Variants in TRHDE observed in about 807,000 individuals in gnomAD.
TRHDE encodes the protein thyrotropin-releasing hormone-degrading ectoenzyme.
TRHDE carries 72 observed loss-of-function variants against 125.7 expected under a neutral mutation model. The observed-to-expected ratio is 0.57, with a 90% CI of 0.47 to 0.70. The LOEUF is 0.70. Among genes scored for constraint, TRHDE ranks in the 30% least tolerant of loss-of-function variants. The pLI is 0.00. For synonymous variants in TRHDE, 509 were observed against 509.1 expected, an observed-to-expected ratio of 1.00 and a Z score of 0.00; for missense variants, 1,110 against 1,327.1, an observed-to-expected ratio of 0.84 and a Z score of 2.54.
chr12:72,151,175 C>A (rs546702047), intron 2 of TRHDE, among the ~76,000 whole-genome samples: 2 of 152,242 alleles, frequency 1.3e-5, no homozygotes, highest in African/African-American at 4.8e-5. Context: ...TTTCATGTGT[C>A]TGTTGGGTGC....
At chr12:72,181,916 A>T (rs1172005848) in intron 2 of TRHDE, among the ~76,000 whole-genome samples, 2 of 152,198 alleles carry the variant, frequency 1.3e-5, no homozygotes, top group Non-Finnish European at 2.9e-5. Flanking sequence ...TAGTTTGCTC[A>T]ATGGCAACCC....
At chr12:72,530,109 T>G (rs1868467021) in intron 6 of TRHDE, among the ~76,000 whole-genome samples, 1 of 152,156 alleles carries the variant, frequency 6.6e-6, no homozygotes, top group South Asian at 2.1e-4. Flanking sequence ...TACTCAATTA[T>G]TCTTCCCTCT....
chr12:72,468,992 C>A (rs911131857), intron 3 of TRHDE, among the ~76,000 whole-genome samples: 2 of 152,162 alleles, frequency 1.3e-5, no homozygotes, highest in Admixed American at 6.5e-5. Flanking sequence ...GTTGATAACA[C>A]CTCTATGACC....
chr12:72,475,463 C>G (rs1876847410), intron 5 of TRHDE, among the ~76,000 whole-genome samples: 1 of 152,094 alleles, frequency 6.6e-6, no homozygotes, highest in African/African-American at 2.4e-5. Context: ...CAGAATTATA[C>G]ATGGGGTGAA....
chr12:72,527,392 G>A (rs887508601), intron 6 of TRHDE, among the ~76,000 whole-genome samples: 8 of 151,984 alleles, frequency 5.3e-5, no homozygotes, highest in East Asian at 1.9e-4. Flanking sequence ...CAGTTATGTC[G>A]CATAAAGAAT....
At chr12:72,116,032 C>A (rs1435373802) in intron 2 of TRHDE, among the ~76,000 whole-genome samples, 3 of 152,118 alleles carry the variant, frequency 2.0e-5, no homozygotes, top group Non-Finnish European at 4.4e-5. Context: ...CTCTGACAGG[C>A]CCCAGTGTGT....
intron 15 of TRHDE, among the ~76,000 whole-genome samples, chr12:72,630,979 A>C (rs1873472204): frequency 2.0e-5 from 3 of 150,298 alleles, no homozygotes; most frequent in African/African-American, 7.3e-5. Flanking sequence ...TAATGACTTG[A>C]GATTCCACTT....
chr12:72,485,583 T>C (rs1592481570), intron 5 of TRHDE, among the ~76,000 whole-genome samples: 1 of 152,056 alleles, frequency 6.6e-6, no homozygotes, highest in East Asian at 1.9e-4. Flanking sequence ...AGTTGACCCC[T>C]CCCCATTCTA....
intron 1 of TRHDE, among the ~76,000 whole-genome samples, chr12:72,277,324 G>A (rs552564898): frequency 6.6e-6 from 1 of 152,204 alleles, no homozygotes; most frequent in South Asian, 2.1e-4. Context: ...GTGATCTGAT[G>A]CCTTGTAATT....
At chr12:72,520,769 A>G (rs1396263804) in intron 6 of TRHDE, among the ~76,000 whole-genome samples, 2 of 152,180 alleles carry the variant, frequency 1.3e-5, no homozygotes, top group African/African-American at 2.4e-5. Flanking sequence ...TCTGGGTTCG[A>G]TCTAAGTCTT....
intron 3 of TRHDE, among the ~76,000 whole-genome samples, chr12:72,433,495 C>T (rs557151107): frequency 6.6e-6 from 1 of 151,918 alleles, no homozygotes; most frequent in Non-Finnish European, 1.5e-5. Flanking sequence ...TGGCTTGCCT[C>T]CCCGAGCATG....
At chr12:72,510,482 C>G (rs1011200860) in intron 6 of TRHDE, among the ~76,000 whole-genome samples, 1 of 152,122 alleles carries the variant, frequency 6.6e-6, no homozygotes, top group African/African-American at 2.4e-5. Flanking sequence ...AAATTATTAT[C>G]TTCAATTTAG....
intron 2 of TRHDE, among the ~76,000 whole-genome samples, chr12:72,189,464 A>G (rs117088804): frequency 0.011 from 1,713 of 152,294 alleles, 21 homozygotes; most frequent in Middle Eastern, 0.044. Context: ...TACCATCCCA[A>G]AGGAAAACAG....
intron 5 of TRHDE, among the ~76,000 whole-genome samples, chr12:72,477,769 G>A (rs1876967853): frequency 6.6e-6 from 1 of 152,114 alleles, no homozygotes; most frequent in Non-Finnish European, 1.5e-5. Flanking sequence ...CTGCAATGGA[G>A]AACTCCTTAT....
At chr12:72,166,215 A>G (rs534258478) in intron 2 of TRHDE, among the ~76,000 whole-genome samples, 1 of 152,294 alleles carries the variant, frequency 6.6e-6, no homozygotes, top group Admixed American at 6.5e-5. Context: ...AAAATACACT[A>G]TTATAATCTT....
chr12:72,413,159 A>G (rs1397642111), intron 3 of TRHDE, among the ~76,000 whole-genome samples: 2 of 152,086 alleles, frequency 1.3e-5, no homozygotes, highest in Admixed American at 6.6e-5. Context: ...GCAAAAACAA[A>G]TCCACATAAG....
At chr12:72,583,068 T>C (rs1454834534) in intron 12 of TRHDE, among the ~76,000 whole-genome samples, 1 of 152,218 alleles carries the variant, frequency 6.6e-6, no homozygotes, top group South Asian at 2.1e-4. Context: ...AGGATGACTC[T>C]TCAGCTGTTT....
intron 12 of TRHDE, among the ~76,000 whole-genome samples, chr12:72,595,723 C>T (rs1871910724): frequency 6.6e-6 from 1 of 151,952 alleles, no homozygotes; most frequent in Non-Finnish European, 1.5e-5. Context: ...GCTTAGATTC[C>T]CCATCTCCAA....
At chr12:72,252,070 A>G (rs1455902622) in intron 2 of TRHDE, among the ~76,000 whole-genome samples, 2 of 151,918 alleles carry the variant, frequency 1.3e-5, no homozygotes, top group Non-Finnish European at 2.9e-5. Context: ...GCTTGCAAAT[A>G]TTTTCTTTCA....
Sources: gnomAD v4.1 joint callset for allele counts (sites outside exome capture counted in the v4.1 genomes callset) on GRCh38, gnomAD v4.1.1 for gene constraint, MANE v1.5 for transcripts, NCBI Gene and HGNC (gene_info 2026-07-23, HGNC 2026-07-21) for gene names.